The following KDM4C variants were observed in gnomAD, a reference collection of about 807,000 sequenced individuals.
KDM4C encodes the protein lysine-specific demethylase 4C.
Under a neutral mutation model 129.3 loss-of-function variants are expected in KDM4C, and 81 were observed. The ratio of observed to expected loss-of-function variants is 0.63; its 90% CI spans 0.52 to 0.75. The LOEUF is 0.75. Among genes scored for constraint, KDM4C ranks in the 30% least tolerant of loss-of-function variants. KDM4C has a pLI of 0.00. For missense variants in KDM4C, 1,457 were observed against 1,304.0 expected, an observed-to-expected ratio of 1.12 and a Z score of -1.81; for synonymous variants, 573 against 456.1, an observed-to-expected ratio of 1.26 and a Z score of -3.26.
At chr9:6,773,691 A>C (rs1163999601) in intron 1 of KDM4C, among the ~76,000 whole-genome samples, 1 of 151,034 alleles carries the variant, frequency 6.6e-6, no homozygotes, top group African/African-American at 2.4e-5. Flanking sequence ...GAATTGCTTG[A>C]ACCCAGGAGA....
intron 5 of KDM4C, among the ~76,000 whole-genome samples, chr9:6,879,039 A>G (rs1176476907): frequency 1.3e-5 from 2 of 152,236 alleles, no homozygotes; most frequent in Non-Finnish European, 2.9e-5. Context: ...ATTGGATCCA[A>G]TTAAGTTTTG....
At chr9:7,163,692 A>G (rs1844052558) in intron 19 of KDM4C, among the ~76,000 whole-genome samples, 1 of 152,136 alleles carries the variant, frequency 6.6e-6, no homozygotes, top group Admixed American at 6.5e-5. Flanking sequence ...TACCGCATAA[A>G]TCTTGGGAAG....
chr9:6,921,061 G>A (rs1053934570), intron 8 of KDM4C, among the ~76,000 whole-genome samples: 1 of 151,524 alleles, frequency 6.6e-6, no homozygotes, highest in Middle Eastern at 3.2e-3. Context: ...CACATTTCTT[G>A]TTTCCGTCTG....
chr9:6,874,809 G>A (rs1843311613), intron 5 of KDM4C, among the ~76,000 whole-genome samples: 1 of 152,060 alleles, frequency 6.6e-6, no homozygotes, highest in Non-Finnish European at 1.5e-5. Context: ...AATGTGGACT[G>A]GCACAGTGGC....
intron 17 of KDM4C, among the ~76,000 whole-genome samples, chr9:7,093,803 A>T (rs1836093763): frequency 6.6e-6 from 1 of 152,230 alleles, no homozygotes; most frequent in African/African-American, 2.4e-5. Context: ...TATAAGCATA[A>T]ATATTTTGAA....
intron 1 of KDM4C, among the ~76,000 whole-genome samples, chr9:6,772,767 A>T (rs1822154541): frequency 7.2e-6 from 1 of 139,712 alleles, no homozygotes. Context: ...ATCTTGGCTC[A>T]CTGCAGCCTC....
In KDM4C at chr9:6,846,518, A is replaced by C. The variant is rs187706397; in HGVS notation, c.436-2989A>C. Among the ~76,000 whole-genome samples the C allele has an allele frequency of 5.3e-4, 80 of 151,894 alleles. 1 individual carries two copies. Among genetic ancestry groups the C allele is most frequent in the Middle Eastern group, 3.4e-3 (1 of 292 alleles). ...TAGCTAGTTTAATAGTAGAGAACAAAAATTGGAGAAAGAATTTTGAAACAA... is the reference window on the plus strand; with the variant it reads ...TAGCTAGTTTAATAGTAGAGAACAACAATTGGAGAAAGAATTTTGAAACAA... On this transcript the variant is annotated intron_variant, in intron 4 of 21. Coordinates refer to ENST00000381309, the MANE Select transcript of KDM4C (RefSeq NM_015061.6).
intron 19 of KDM4C, among the ~76,000 whole-genome samples, chr9:7,161,926 G>T (rs1040787659): frequency 6.6e-6 from 1 of 152,236 alleles, no homozygotes; most frequent in Non-Finnish European, 1.5e-5. Flanking sequence ...AACAGCTGAT[G>T]AATTGACACT....
intron 5 of KDM4C, among the ~76,000 whole-genome samples, chr9:6,858,971 G>T (rs1317999596): frequency 6.6e-6 from 1 of 152,086 alleles, no homozygotes; most frequent in Non-Finnish European, 1.5e-5. Flanking sequence ...ATATAGGAAA[G>T]TGGCTTTTTT....
intron 8 of KDM4C, among the ~76,000 whole-genome samples, chr9:6,954,801 A>C (rs1468439774): frequency 6.6e-6 from 1 of 151,960 alleles, no homozygotes; most frequent in Admixed American, 6.6e-5. Flanking sequence ...TCATGTACCC[A>C]CTCCCTATTT....
rs1050072544 is a variant in KDM4C at position 6,984,298 on chromosome 9, A to G, written c.1248A>G (p.Ser416=). Residue 416 remains serine (S), a synonymous_variant, in exon 10 of 22, where the codon TCA becomes TCG. Transcript: ENST00000381309. ...ATGACCTCAAGGTCAGTGAAAAGTC[A>G]GAAGCAGCAGTGAAGCTGAGGAACA... ...VTDDLKVSEK[S]EAAVKLRNTE... 6.2e-7 allele frequency: 1 copy of G among 1,614,116 alleles called. No individual in the cohort carries two copies. Among genetic ancestry groups the G allele is most frequent in the Non-Finnish European group, 8.5e-7 (1 of 1,179,950 alleles).
chr9:6,997,776 A>T (rs1397644704), intron 12 of KDM4C, among the ~76,000 whole-genome samples: 1 of 152,246 alleles, frequency 6.6e-6, no homozygotes. Context: ...AAGTTCATAT[A>T]TGGATTTTGG....
At chr9:6,946,507 C>G (rs148304006) in intron 8 of KDM4C, among the ~76,000 whole-genome samples, 1 of 152,074 alleles carries the variant, frequency 6.6e-6, no homozygotes. Context: ...ATTGTCACAA[C>G]TTGGTATTTG....
chr9:6,930,689 AT>A (rs57310611), intron 8 of KDM4C, among the ~76,000 whole-genome samples: 3 of 108,736 alleles, frequency 2.8e-5, no homozygotes, highest in African/African-American at 4.2e-5. Context: ...TAATATATTA[AT>A]TATTAACATA....
intron 8 of KDM4C, among the ~76,000 whole-genome samples, chr9:6,960,016 A>G (rs902548844): frequency 1.3e-5 from 2 of 152,010 alleles, no homozygotes; most frequent in African/African-American, 4.8e-5. Flanking sequence ...TTGTAGATAC[A>G]GAAACGATTA....
intron 21 of KDM4C, among the ~76,000 whole-genome samples, chr9:7,172,762 C>A (rs1845092698): frequency 6.6e-6 from 1 of 152,144 alleles, no homozygotes; most frequent in Non-Finnish European, 1.5e-5. Flanking sequence ...TTGTTTTTCT[C>A]TTCTTTACTA....
intron 19 of KDM4C, among the ~76,000 whole-genome samples, chr9:7,163,869 G>C (rs1017262116): frequency 3.9e-5 from 6 of 152,070 alleles, no homozygotes; most frequent in African/African-American, 1.4e-4. Context: ...TAGAGCCTCC[G>C]AGCAAACTAT....
At chr9:7,054,072 G>T (rs1057315682) in intron 17 of KDM4C, among the ~76,000 whole-genome samples, 2 of 152,206 alleles carry the variant, frequency 1.3e-5, no homozygotes, top group Non-Finnish European at 2.9e-5. Flanking sequence ...AGTTATCCTT[G>T]TGGCAAGTCC....
chr9:7,059,860 A>G (rs1386863153), intron 17 of KDM4C, among the ~76,000 whole-genome samples: 2 of 152,144 alleles, frequency 1.3e-5, no homozygotes, highest in Non-Finnish European at 2.9e-5. Flanking sequence ...TTTTTAAATG[A>G]ATTCATAAAT....
Sources: allele counts gnomAD v4.1 joint callset (sites outside exome capture counted in the v4.1 genomes callset), GRCh38; gene constraint gnomAD v4.1.1; transcripts MANE v1.5; gene names NCBI Gene and HGNC (gene_info 2026-07-23, HGNC 2026-07-21).